Variants in NAALADL2 observed in about 807,000 individuals in gnomAD.
NAALADL2 encodes inactive N-acetylated-alpha-linked acidic dipeptidase-like protein 2.
In NAALADL2, 76 loss-of-function variants were observed where a neutral mutation model predicts 87.2. The ratio of observed to expected loss-of-function variants is 0.87; its 90% CI spans 0.72 to 1.05. The LOEUF (loss-of-function observed/expected upper bound fraction) is 1.05. Ranked by LOEUF, NAALADL2 falls within the 50% of genes least tolerant of loss-of-function variation. The pLI is 0.00. For synonymous variants in NAALADL2, 354 were observed against 331.0 expected (o/e 1.07, Z -0.75); for missense variants, 1,089 against 945.8 (o/e 1.15, Z -1.99).
At chr3:175,161,525 G>T (rs936872074) in intron 2 of NAALADL2, among the ~76,000 whole-genome samples, 5 of 152,088 alleles carry the variant, frequency 3.3e-5, no homozygotes, top group African/African-American at 4.8e-5. Context: ...ATGGAGCAGG[G>T]TAGGAGTCAG....
chr3:175,538,013 A>AT (rs1711566549), intron 9 of NAALADL2, among the ~76,000 whole-genome samples: 1 of 152,166 alleles, frequency 6.6e-6, no homozygotes, highest in African/African-American at 2.4e-5. Context: ...ACAAATTGTG[A>AT]TTTTCAGATA....
At chr3:175,188,307 A>G (rs568219885) in intron 2 of NAALADL2, among the ~76,000 whole-genome samples, 1 of 152,144 alleles carries the variant, frequency 6.6e-6, no homozygotes, top group Non-Finnish European at 1.5e-5. Context: ...CTGCTCCTCC[A>G]GGGACCCAGA....
chr3:174,655,631 AATTAAAGT>A (rs1560121160), intron 2 of NAALADL2, among the ~76,000 whole-genome samples: 1 of 152,180 alleles, frequency 6.6e-6, no homozygotes, highest in Non-Finnish European at 1.5e-5. Flanking sequence ...ATTTTTACCA[AATTAAAGT>A]ATTAAAGTTT....
chr3:175,033,011 T>G (rs975875230), intron 1 of NAALADL2, among the ~76,000 whole-genome samples: 11 of 152,074 alleles, frequency 7.2e-5, no homozygotes, highest in Non-Finnish European at 1.5e-4. Context: ...AGGTGAAGAC[T>G]GTGGCCCACA....
chr3:174,508,114 G>GTTTTTT (rs1311325384), intron 1 of NAALADL2, among the ~76,000 whole-genome samples: 6 of 103,900 alleles, frequency 5.8e-5, no homozygotes, highest in African/African-American at 2.1e-4. Flanking sequence ...ATATCTAGTG[G>GTTTTTT]TTTTTTTTTT....
chr3:174,924,898 C>T (rs1310730703), intron 1 of NAALADL2, among the ~76,000 whole-genome samples: 2 of 152,162 alleles, frequency 1.3e-5, no homozygotes, highest in African/African-American at 4.8e-5. Flanking sequence ...ATATCCTTTG[C>T]CCAGTTTTTG....
intron 11 of NAALADL2, among the ~76,000 whole-genome samples, chr3:175,711,032 A>G (rs918080490): frequency 6.6e-6 from 1 of 151,940 alleles, no homozygotes; most frequent in Admixed American, 6.6e-5. Context: ...ATACAAAGAT[A>G]TTGTTCAAGT....
At chr3:175,248,395 T>A (rs1748401422) in intron 3 of NAALADL2, among the ~76,000 whole-genome samples, 2 of 152,180 alleles carry the variant, frequency 1.3e-5, no homozygotes, top group Non-Finnish European at 1.5e-5. Context: ...TTTTTGGTGG[T>A]GGTAGTTCTG....
intron 11 of NAALADL2, among the ~76,000 whole-genome samples, chr3:175,670,944 C>G (rs11919298): frequency 6.6e-6 from 1 of 151,126 alleles, no homozygotes. Flanking sequence ...CTAGTACATA[C>G]GTAAATTACC....
chr3:175,328,746 C>T (rs1343934387), intron 5 of NAALADL2, among the ~76,000 whole-genome samples: 1 of 152,020 alleles, frequency 6.6e-6, no homozygotes, highest in Non-Finnish European at 1.5e-5. Flanking sequence ...AATTATAATA[C>T]CAGTGATAGG....
chr3:174,885,876 G>GTTTTTTTTTTTTT (rs60403770), intron 1 of NAALADL2, among the ~76,000 whole-genome samples: 2 of 101,642 alleles, frequency 2.0e-5, no homozygotes, highest in African/African-American at 7.5e-5. Flanking sequence ...AGTCCGAGTT[G>GTTTTTTTTTTTTT]TTTTTTTTTT....
chr3:175,408,850 A>G (rs1213649116), intron 5 of NAALADL2, among the ~76,000 whole-genome samples: 1 of 152,024 alleles, frequency 6.6e-6, no homozygotes, highest in African/African-American at 2.4e-5. Context: ...TGGAATAGGT[A>G]GTCAAATAGA....
intron 1 of NAALADL2, among the ~76,000 whole-genome samples, chr3:175,088,835 C>T (rs1719544914): frequency 6.6e-6 from 1 of 152,126 alleles, no homozygotes; most frequent in East Asian, 1.9e-4. Flanking sequence ...TGGTGATTGT[C>T]TTGAGGTGTT....
chr3:175,458,442 T>G (rs1722640664), intron 6 of NAALADL2, among the ~76,000 whole-genome samples: 1 of 148,340 alleles, frequency 6.7e-6, no homozygotes, highest in Non-Finnish European at 1.5e-5. Context: ...TATAGATATA[T>G]ATACAATCAA....
intron 2 of NAALADL2, among the ~76,000 whole-genome samples, chr3:174,615,915 A>G (rs1402719301): frequency 6.6e-6 from 1 of 152,102 alleles, no homozygotes; most frequent in African/African-American, 2.4e-5. Context: ...AAGGGGATCT[A>G]GAATATATGA....
intron 5 of NAALADL2, among the ~76,000 whole-genome samples, chr3:175,366,939 C>T (rs995796300): frequency 1.3e-5 from 2 of 151,596 alleles, no homozygotes; most frequent in Non-Finnish European, 2.9e-5. Context: ...TTGCCCATGC[C>T]TATGTCCTGA....
chr3:175,387,081 C>A (rs773231402), intron 5 of NAALADL2, among the ~76,000 whole-genome samples: 38 of 151,996 alleles, frequency 2.5e-4, no homozygotes, highest in Non-Finnish European at 2.5e-4. Context: ...TTTTTTTTTA[C>A]TACTTTTGCT....
intron 2 of NAALADL2, among the ~76,000 whole-genome samples, chr3:174,714,804 G>A (rs1280777806): frequency 6.6e-6 from 1 of 152,078 alleles, no homozygotes; most frequent in African/African-American, 2.4e-5. Context: ...TCTCCTGCCT[G>A]ATTGCCCTGG....
chr3:175,137,461 A>T (rs1729281879), intron 2 of NAALADL2, among the ~76,000 whole-genome samples: 1 of 152,006 alleles, frequency 6.6e-6, no homozygotes, highest in Non-Finnish European at 1.5e-5. Context: ...ACCTATCCTT[A>T]TTTTTGTGCA....
Sources: allele counts gnomAD v4.1 joint callset (sites outside exome capture counted in the v4.1 genomes callset), GRCh38; gene constraint gnomAD v4.1.1; transcripts MANE v1.5; gene names NCBI Gene and HGNC (gene_info 2026-07-23, HGNC 2026-07-21).